The following ALS2 variants were observed in gnomAD, a reference collection of about 807,000 sequenced individuals.
The protein encoded by ALS2 is alsin Rho guanine nucleotide exchange factor ALS2.
Under a neutral mutation model 203.4 loss-of-function variants are expected in ALS2, and 117 were observed. The ratio of observed to expected loss-of-function variants is 0.58; its 90% CI spans 0.50 to 0.67. ALS2 has a LOEUF of 0.67. Among genes scored for constraint, ALS2 ranks in the 30% least tolerant of loss-of-function variants. ALS2 has a pLI of 0.00. For missense variants in ALS2, 1,715 were observed against 1,989.4 expected (o/e 0.86, Z 2.62); for synonymous variants, 718 against 725.9 (o/e 0.99, Z 0.17).
chr2:201,756,810 G>A (rs1191681799), intron 5 of ALS2, among the ~76,000 whole-genome samples: 1 of 152,206 alleles, frequency 6.6e-6, no homozygotes, highest in East Asian at 1.9e-4. Flanking sequence ...TTTTGATTCA[G>A]TAAGTCGAGA....
rs565166366 is a variant in ALS2, at chr2:201,757,715, G to T, written c.1158C>A (p.Thr386=). 1.3e-4 allele frequency: 207 copies of T among 1,613,214 alleles called. 2 individuals carry two copies. In the South Asian group the frequency reaches 2.2e-3, roughly 17 times the overall value. Residue 386 remains threonine (T), a synonymous_variant, in exon 5 of 34, where the codon ACC becomes ACA. Transcript: ENST00000264276. ...EAIPNLHSPP[T]TSTSALNSLV... ...GGCTGTTTAGGGCTGAGGTGCTTGT[G>T]GTAGGCGGGCTGTGGAGATTAGGAA...
rs1159222926 is a variant in ALS2 at position 201,741,939 on chromosome 2, T to C, written c.2171-85A>G. The C allele has an allele frequency of 1.1e-5, 13 of 1,221,506 alleles. No homozygotes were observed. In the South Asian group the frequency reaches 1.7e-4, roughly 16 times the overall value. 75.7% of individuals were successfully genotyped at this position (1,221,506 alleles called of 1,614,324 possible). A position where few individuals can be genotyped will look rare whatever the true frequency, so the allele number is the denominator to read the frequency against. On this transcript the variant is annotated intron_variant, in intron 10 of 33. Transcript: ENST00000264276. Reference sequence around the variant, plus strand: ...ATGTGATTATGATTATGAATTCCTCTAAGACTACTTAACCTGTTGCCATGT... The same window carrying C: ...ATGTGATTATGATTATGAATTCCTCCAAGACTACTTAACCTGTTGCCATGT...
In ALS2 at chr2:201,701,733, A is replaced by G; in HGVS notation, c.*118T>C. 2.0e-6 allele frequency: 2 copies of G among 982,078 alleles called. No homozygotes were observed. Among genetic ancestry groups the G allele is most frequent in the Non-Finnish European group, 1.6e-6 (1 of 620,578 alleles). The allele number at this position is 982,078 out of a possible 1,614,324, so 60.8% of individuals were successfully genotyped here. A position where few individuals can be genotyped will look rare whatever the true frequency, so the allele number is the denominator to read the frequency against. The stretch of plus-strand genomic sequence containing the variant: ...TTGGTAAGGCTCATTCTAACAACCT[A>G]AATAACACAAAGTCCTTTCCAATTT... On this transcript the variant is annotated 3_prime_UTR_variant, in exon 34 of 34. Coordinates refer to ENST00000264276, the MANE Select transcript of ALS2 (RefSeq NM_020919.4).
chr2:201,738,436 A>T (rs776785786), intron 12 of ALS2: 7 of 532,506 alleles, frequency 1.3e-5, no homozygotes, highest in African/African-American at 5.8e-5. Flanking sequence ...GATAGCACAG[A>T]AGGACCCCGA....
Position 201,746,686 on chromosome 2 carries a change from C to T in ALS2, c.1878G>A (p.Val626=), listed in dbSNP as rs748028588. 1 of 1,614,116 alleles carries T rather than the reference C, an allele frequency of 6.2e-7. No homozygotes were observed. The highest frequency in any genetic ancestry group is 8.5e-7 in the Non-Finnish European group (1 of 1,180,014). ...ACCCAGGCTGGAAGTCTTCTGTATC[C>T]ACTAAAAACAGGGAATAATCCCTGC... ...AAGRDYSLFL[V]DTEDFQPGLY... Residue 626 remains valine (V), a synonymous_variant, in exon 9 of 34, where the codon GTG becomes GTA. Transcript: ENST00000264276.
At chr2:201,774,243 C>T (rs898268316) in intron 1 of ALS2, among the ~76,000 whole-genome samples, 6 of 152,038 alleles carry the variant, frequency 3.9e-5, no homozygotes, top group Non-Finnish European at 5.9e-5. Flanking sequence ...GTGGGCAGAG[C>T]CAAAGTCCCA....
At chr2:201,706,355 C>G (rs912476208) in intron 29 of ALS2, among the ~76,000 whole-genome samples, 2 of 150,772 alleles carry the variant, frequency 1.3e-5, no homozygotes, top group African/African-American at 4.9e-5. Flanking sequence ...CATCGCACTC[C>G]TGCCTGCATG....
intron 23 of ALS2, 136 bp downstream of exon 23, chr2:201,722,907 A>G: frequency 1.4e-6 from 1 of 691,724 alleles, no homozygotes; most frequent in South Asian, 1.8e-5. Context: ...TTGTACAGCC[A>G]TGTTGACCAA....
chr2:201,712,101 T>G (rs973661818), intron 25 of ALS2, among the ~76,000 whole-genome samples: 1 of 152,208 alleles, frequency 6.6e-6, no homozygotes, highest in African/African-American at 2.4e-5. Flanking sequence ...ATTACTTCTT[T>G]CTACATTTAA....
chr2:201,749,688 T>G (rs1411902585), intron 8 of ALS2, 24 bp downstream of exon 8: 1 of 1,587,196 alleles, frequency 6.3e-7, no homozygotes, highest in East Asian at 2.2e-5. Context: ...GTGGAATAAG[T>G]TGCTATCAAG....
At position 201,708,003 on chromosome 2, in the gene ALS2, TA is replaced by T. The variant is rs1361119663; in HGVS notation, c.4281-13del. 1.9e-6 allele frequency: 3 copies of T among 1,607,848 alleles called. No individual in the cohort carries two copies. Among genetic ancestry groups the T allele is most frequent in the Non-Finnish European group, 2.6e-6 (3 of 1,175,996 alleles). The stretch of plus-strand genomic sequence containing the variant: ...CAGGAAATAAGAACCTAAGGAAGAA[TA>T]AAAAATATAATTATACAATTATACC... On this transcript the variant is annotated splice_polypyrimidine_tract_variant and intron_variant, in intron 27 of 33. Transcript: ENST00000264276.
intron 4 of ALS2, chr2:201,760,413 G>GT: frequency 1.0e-6 from 1 of 988,176 alleles, no homozygotes; most frequent in Non-Finnish European, 1.2e-6. Flanking sequence ...GTAATTGCCT[G>GT]TAAGTTTTAA....
At chr2:201,746,793 A>T in intron 8 of ALS2, 45 bp from the exon 9 acceptor site, 1 of 1,608,944 alleles carries the variant, frequency 6.2e-7, no homozygotes, top group Non-Finnish European at 8.5e-7. Context: ...AAAGGCAATC[A>T]GAGAGAACTT....
intron 6 of ALS2, among the ~76,000 whole-genome samples, chr2:201,754,082 C>T (rs1462175585): frequency 6.6e-6 from 1 of 151,506 alleles, no homozygotes; most frequent in Non-Finnish European, 1.5e-5. Flanking sequence ...ACAATCTCAG[C>T]TTACTGCAAC....
rs757425560 is a variant in ALS2, at chr2:201,715,720, T to C, written c.3956A>G (p.Asp1319Gly). 13 of 1,614,116 alleles carry C rather than the reference T, an allele frequency of 8.1e-6. No individual in the cohort carries two copies. In the Admixed American group the frequency reaches 1.2e-4, roughly 14 times the overall value. Residue 1319 changes from aspartate (D) to glycine (G), a missense_variant, in exon 25 of 34, where the codon GAC (aspartate) becomes GGC (glycine). By Grantham distance (94) the Asp-to-Gly change is moderately conservative. This residue lies in a region of ALS2 where 1,227 missense variants were observed against 1,413.5 expected (regional missense o/e 0.87). Transcript: ENST00000264276. Reference sequence around the variant, plus strand: ...GGTGGTCAAGGCCACAGCAATATTGTCCCATGCTTTCCAAACTTCCCCTTG... The same window carrying C: ...GGTGGTCAAGGCCACAGCAATATTGCCCCATGCTTTCCAAACTTCCCCTTG... ...PGQGEVWKAW[D>G]NIAVALTTSR...
rs760024005 is a variant in ALS2 at position 201,757,749 on chromosome 2, T to G, written c.1124A>C (p.Glu375Ala). 3.7e-6 allele frequency: 6 copies of G among 1,609,184 alleles called. No homozygotes were observed. The African/African-American group carries it at 8.0e-5, about 21-fold the overall frequency. Residue 375 changes from glutamate to alanine, a missense_variant, in exon 5 of 34, where the codon GAA becomes GCA. By Grantham distance (107) the Glu-to-Ala change is moderately radical. Around this residue, in one of 3 missense-constraint regions of ALS2, gnomAD observed 476 missense variants for 539.3 expected, o/e 0.88. Coordinates refer to ENST00000264276, the MANE Select transcript of ALS2 (RefSeq NM_020919.4). ...EKPVPSQPLL[E>A]EAIPNLHSPP... ...GCTGTGGAGATTAGGAATTGCTTCT[T>G]CTAAAAGAGGCTAAAATATACACAC...
At chr2:201,728,042 C>G (rs1039263977) in intron 15 of ALS2, among the ~76,000 whole-genome samples, 5 of 152,188 alleles carry the variant, frequency 3.3e-5, no homozygotes, top group African/African-American at 1.2e-4. Context: ...AAGAAGTTCT[C>G]TGAAATCCAA....
chr2:201,747,353 T>TGCA (rs748611209), intron 8 of ALS2, among the ~76,000 whole-genome samples: 42 of 152,066 alleles, frequency 2.8e-4, no homozygotes, highest in African/African-American at 7.5e-4. Flanking sequence ...CAGTGGTCTT[T>TGCA]GCAGCAGCAG....
At position 201,745,961 on chromosome 2, in the gene ALS2, T is replaced by A. The variant is rs180797681; in HGVS notation, c.1998+605A>T. ...AAGACTCAGTCTCAAAAAAATAAAT[T>A]AATTAATTTAATTAAATTAAAAGTG... On this transcript the variant is annotated intron_variant, in intron 9 of 33. Transcript: ENST00000264276. Among the ~76,000 whole-genome samples, 30 of 152,012 alleles carry A rather than the reference T, an allele frequency of 2.0e-4. 1 individual carries two copies. In the East Asian group the frequency reaches 4.4e-3, roughly 23 times the overall value.
Sources: gnomAD v4.1 joint callset for allele counts (sites outside exome capture counted in the v4.1 genomes callset) on GRCh38, gnomAD v4.1.1 for gene constraint, gnomAD v4.1.1 regional missense constraint, MANE v1.5 for transcripts, NCBI Gene and HGNC (gene_info 2026-07-23, HGNC 2026-07-21) for gene names.